SMYD3: variants seen among roughly 807,000 people sequenced by gnomAD.
The protein encoded by SMYD3 is histone-lysine N-methyltransferase SMYD3.
A neutral mutation model predicts 57.7 loss-of-function variants in SMYD3; 36 were observed. That is an observed-to-expected ratio of 0.62 (90% confidence interval 0.48 to 0.82). The LOEUF (loss-of-function observed/expected upper bound fraction) is 0.82. SMYD3 is among the 40% of genes least tolerant of loss of function. The pLI, the probability that SMYD3 is intolerant of heterozygous loss-of-function variation, is 0.00. For synonymous variants in SMYD3, 211 were observed against 195.0 expected (o/e 1.08, Z -0.68); for missense variants, 515 against 538.8 (o/e 0.96, Z 0.44).
intron 5 of SMYD3, among the ~76,000 whole-genome samples, chr1:246,053,653 A>G (rs188245048): frequency 1.6e-4 from 25 of 152,270 alleles, no homozygotes; most frequent in Admixed American, 1.4e-3. Flanking sequence ...TCAAAAGTTA[A>G]TTAAAAATGG....
rs546363694 is a variant in SMYD3, at chr1:246,220,363, G to A, written c.531+106838C>T. 2.7e-3 allele frequency among the ~76,000 whole-genome samples: 356 copies of A among 131,524 alleles called. 2 individuals are homozygous for A. Among genetic ancestry groups the A allele is most frequent in the Non-Finnish European group, 4.2e-3 (271 of 64,034 alleles). 86.3% of individuals were successfully genotyped at this position (131,524 alleles called of 152,430 possible). A position where few individuals can be genotyped will look rare whatever the true frequency, so the allele number is the denominator to read the frequency against. ...CATGCAGCTGCAGACCCAGGCACCT[G>A]CAGCCTCCCAAACCATGGCTGCAGA... On this transcript the variant is annotated intron_variant, in intron 5 of 11. Transcript: ENST00000490107.
chr1:245,766,974 G>A (rs1235852494), intron 10 of SMYD3, among the ~76,000 whole-genome samples: 3 of 152,156 alleles, frequency 2.0e-5, no homozygotes, highest in Admixed American at 6.5e-5. Context: ...TGCTGATTGC[G>A]GGCCTGGTTG....
intron 5 of SMYD3, among the ~76,000 whole-genome samples, chr1:246,065,584 A>G (rs1235523482): frequency 6.6e-6 from 1 of 152,238 alleles, no homozygotes; most frequent in Non-Finnish European, 1.5e-5. Context: ...ATAAACATGC[A>G]ATCCTCTTCG....
At chr1:246,157,530 G>A (rs529201715) in intron 5 of SMYD3, among the ~76,000 whole-genome samples, 25 of 152,038 alleles carry the variant, frequency 1.6e-4, no homozygotes, top group African/African-American at 5.8e-4. Flanking sequence ...CCTGTCCTTT[G>A]TCAGATGCAA....
intron 8 of SMYD3, among the ~76,000 whole-genome samples, chr1:245,892,264 A>G (rs769016388): frequency 2.0e-5 from 3 of 152,206 alleles, no homozygotes; most frequent in African/African-American, 4.8e-5. Context: ...AACCTCCCAA[A>G]TAGACTATTT....
At chr1:245,910,189 C>G (rs73126379) in intron 8 of SMYD3, among the ~76,000 whole-genome samples, 2,142 of 152,142 alleles carry the variant, frequency 0.014, 46 homozygotes, top group African/African-American at 0.048. Context: ...ATAAAGAAAG[C>G]AATCCCATTT....
chr1:246,343,699 T>C (rs1463793532), intron 2 of SMYD3, among the ~76,000 whole-genome samples: 1 of 152,224 alleles, frequency 6.6e-6, no homozygotes, highest in Non-Finnish European at 1.5e-5. Flanking sequence ...GGAAGGTTAA[T>C]GTACAGAATC....
intron 5 of SMYD3, among the ~76,000 whole-genome samples, chr1:246,039,351 G>C (rs1332398171): frequency 6.6e-6 from 1 of 152,112 alleles, no homozygotes; most frequent in South Asian, 2.1e-4. Flanking sequence ...GTAAACATAG[G>C]TATATGCAGA....
intron 1 of SMYD3, among the ~76,000 whole-genome samples, chr1:246,405,092 C>A (rs1558448052): frequency 1.3e-5 from 2 of 152,096 alleles, no homozygotes; most frequent in Admixed American, 1.3e-4. Flanking sequence ...GCTGGGACTA[C>A]AGGTGTGCAC....
intron 10 of SMYD3, among the ~76,000 whole-genome samples, chr1:245,855,069 T>A (rs2051169719): frequency 6.6e-6 from 1 of 152,128 alleles, no homozygotes; most frequent in African/African-American, 2.4e-5. Context: ...GGGACAACAG[T>A]TTGAAGATGA....
At chr1:246,006,923 C>A (rs1369549430) in intron 5 of SMYD3, among the ~76,000 whole-genome samples, 1 of 152,196 alleles carries the variant, frequency 6.6e-6, no homozygotes, top group Non-Finnish European at 1.5e-5. Flanking sequence ...GCAGACACAG[C>A]CAGAGCTCGA....
intron 10 of SMYD3, among the ~76,000 whole-genome samples, chr1:245,767,805 G>A (rs1450392777): frequency 1.3e-5 from 2 of 152,136 alleles, no homozygotes. Flanking sequence ...GCCAGGCTGT[G>A]CAGACACACA....
chr1:246,240,419 C>T (rs2063588478), intron 5 of SMYD3, among the ~76,000 whole-genome samples: 1 of 152,178 alleles, frequency 6.6e-6, no homozygotes, highest in Admixed American at 6.5e-5. Context: ...GGTATTCTTT[C>T]TGAGGGCTCT....
At chr1:245,884,256 T>C (rs2052954423) in intron 8 of SMYD3, among the ~76,000 whole-genome samples, 1 of 152,200 alleles carries the variant, frequency 6.6e-6, no homozygotes, top group Non-Finnish European at 1.5e-5. Flanking sequence ...GCAGCATGGT[T>C]GTCTGGGGTA....
chr1:246,330,371 G>T, intron 4 of SMYD3, 109 bp downstream of exon 4: 1 of 832,904 alleles, frequency 1.2e-6, no homozygotes, highest in Non-Finnish European at 1.8e-6. Flanking sequence ...TGTTAGGTTT[G>T]CATCACATTA....
At chr1:245,759,212 C>A (rs1428897052) in intron 11 of SMYD3, among the ~76,000 whole-genome samples, 1 of 152,194 alleles carries the variant, frequency 6.6e-6, no homozygotes, top group African/African-American at 2.4e-5. Flanking sequence ...CAGTAGGAAT[C>A]ACTCATAAAT....
intron 10 of SMYD3, among the ~76,000 whole-genome samples, chr1:245,835,218 C>G (rs2050049039): frequency 6.7e-6 from 1 of 149,642 alleles, no homozygotes; most frequent in South Asian, 2.1e-4. Context: ...CTCCCAGGTT[C>G]AAGTGATTCT....
intron 1 of SMYD3, among the ~76,000 whole-genome samples, chr1:246,379,992 A>C (rs2066361437): frequency 6.6e-6 from 1 of 150,998 alleles, no homozygotes; most frequent in Non-Finnish European, 1.5e-5. Context: ...TGAGGATCAG[A>C]GCAACACTCT....
chr1:245,836,611 G>A (rs181407376), intron 10 of SMYD3, among the ~76,000 whole-genome samples: 123 of 152,298 alleles, frequency 8.1e-4, no homozygotes, highest in Middle Eastern at 6.8e-3. Flanking sequence ...AACATGTGAA[G>A]CTGCTGACAG....
Sources: gnomAD v4.1 joint callset for allele counts (sites outside exome capture counted in the v4.1 genomes callset) on GRCh38, gnomAD v4.1.1 for gene constraint, MANE v1.5 for transcripts, NCBI Gene and HGNC (gene_info 2026-07-23, HGNC 2026-07-21) for gene names.